The following PTPRT variants were observed in gnomAD, a reference collection of about 807,000 sequenced individuals.
The protein encoded by PTPRT is protein tyrosine phosphatase receptor type T.
Under a neutral mutation model 176.8 loss-of-function variants are expected in PTPRT, and 56 were observed. The observed-to-expected ratio is 0.32, with a 90% CI of 0.26 to 0.40. The LOEUF is 0.40. PTPRT is among the 10% of genes least tolerant of loss of function. The pLI is 1.00. For synonymous variants in PTPRT, 783 were observed against 739.0 expected (o/e 1.06, Z -0.96); for missense variants, 1,540 against 1,908.2 (o/e 0.81, Z 3.60).
intron 7 of PTPRT, among the ~76,000 whole-genome samples, chr20:42,590,080 A>G (rs1035307412): frequency 1.3e-5 from 2 of 152,150 alleles, no homozygotes; most frequent in Non-Finnish European, 2.9e-5. Context: ...GTCATGAAAG[A>G]GAAAAGCTTT....
chr20:42,416,091 ATTAAG>A lies in PTPRT; in HGVS notation c.1560+32124_1560+32128del, dbSNP rs542935082. ...TGGAAATAGGCTCTTTGCTGATGTA[ATTAAG>A]TTAAGGATTTCAAGATGAGATCATC... is the stretch of plus-strand genomic sequence containing the variant. On this transcript the variant is annotated intron_variant, in intron 9 of 30. Transcript: ENST00000373187. Among the ~76,000 whole-genome samples, 605 of 152,290 alleles carry A rather than the reference ATTAAG, an allele frequency of 4.0e-3. 1 individual carries two copies. Among genetic ancestry groups the A allele is most frequent in the Middle Eastern group, 6.8e-3 (2 of 294 alleles).
intron 11 of PTPRT, among the ~76,000 whole-genome samples, chr20:42,346,332 A>G (rs915990783): frequency 9.2e-5 from 14 of 152,284 alleles, no homozygotes; most frequent in East Asian, 1.9e-4. Flanking sequence ...TGGCTAAGTT[A>G]CTTTCTTATG....
At chr20:42,324,254 A>AAAT (rs1296498647) in intron 11 of PTPRT, among the ~76,000 whole-genome samples, 3 of 152,248 alleles carry the variant, frequency 2.0e-5, no homozygotes, top group Non-Finnish European at 4.4e-5. Flanking sequence ...TAAATGAGAG[A>AAAT]AATAAGACGT....
chr20:42,959,771 C>T (rs1304910430), intron 1 of PTPRT, among the ~76,000 whole-genome samples: 1 of 152,150 alleles, frequency 6.6e-6, no homozygotes, highest in Non-Finnish European at 1.5e-5. Context: ...CAAGCCATTC[C>T]TTGGTTCTGT....
At chr20:42,793,763 C>T (rs535037251) in intron 2 of PTPRT, among the ~76,000 whole-genome samples, 8 of 152,176 alleles carry the variant, frequency 5.3e-5, no homozygotes, top group Middle Eastern at 6.8e-3. Flanking sequence ...GCATCCATGC[C>T]CATATCTGTC....
chr20:42,196,334 T>C (rs1991217082), intron 16 of PTPRT, among the ~76,000 whole-genome samples: 1 of 152,136 alleles, frequency 6.6e-6, no homozygotes, highest in African/African-American at 2.4e-5. Flanking sequence ...AGCCTTTCTC[T>C]TTTTTTCTAT....
At chr20:42,843,535 A>T (rs1313495265) in intron 2 of PTPRT, among the ~76,000 whole-genome samples, 1 of 152,220 alleles carries the variant, frequency 6.6e-6, no homozygotes, top group African/African-American at 2.4e-5. Flanking sequence ...CATTTCTCCA[A>T]AGAAACCTGG....
intron 15 of PTPRT, among the ~76,000 whole-genome samples, chr20:42,226,216 G>T (rs2056006589): frequency 6.6e-6 from 1 of 152,098 alleles, no homozygotes; most frequent in African/African-American, 2.4e-5. Flanking sequence ...TTAGCACAAG[G>T]GAATTGCTCA....
intron 6 of PTPRT, among the ~76,000 whole-genome samples, chr20:42,732,134 A>G (rs1324692217): frequency 6.7e-6 from 1 of 149,836 alleles, no homozygotes; most frequent in African/African-American, 2.5e-5. Context: ...AGCTATGTCC[A>G]TGTGCGGCTA....
At chr20:42,848,195 G>T (rs2078409490) in intron 2 of PTPRT, among the ~76,000 whole-genome samples, 1 of 152,164 alleles carries the variant, frequency 6.6e-6, no homozygotes, top group Non-Finnish European at 1.5e-5. Context: ...ATATTCCATG[G>T]CATATACATG....
intron 11 of PTPRT, among the ~76,000 whole-genome samples, chr20:42,332,454 C>T (rs2145439662): frequency 6.6e-6 from 1 of 152,212 alleles, no homozygotes; most frequent in South Asian, 2.1e-4. Flanking sequence ...TGGTGATTCT[C>T]CCACCTGGGC....
intron 7 of PTPRT, among the ~76,000 whole-genome samples, chr20:42,485,907 T>G (rs2145351339): frequency 6.6e-6 from 1 of 152,370 alleles, no homozygotes; most frequent in South Asian, 2.1e-4. Flanking sequence ...GCTTATTTTC[T>G]GTCGAATCTC....
At chr20:42,053,678 A>G in the PTPRT span, among the ~76,000 whole-genome samples, 1 of 152,322 alleles carries the variant, frequency 6.6e-6, no homozygotes, top group African/African-American at 2.4e-5. Flanking sequence ...CCTGGGCCAC[A>G]TGTCTCTGAA....
At chr20:42,871,206 C>T (rs1285016606) in intron 2 of PTPRT, among the ~76,000 whole-genome samples, 2 of 151,930 alleles carry the variant, frequency 1.3e-5, no homozygotes, top group Non-Finnish European at 2.9e-5. Flanking sequence ...CCCACCTCGG[C>T]CTCCCAAAAT....
chr20:42,400,278 C>T (rs549817156), intron 9 of PTPRT, among the ~76,000 whole-genome samples: 2 of 151,858 alleles, frequency 1.3e-5, no homozygotes, highest in African/African-American at 4.8e-5. Flanking sequence ...ACTTTTTTTT[C>T]ATAGCAAGCA....
chr20:42,626,980 C>T lies in PTPRT; in HGVS notation c.1153+50886G>A, dbSNP rs559835482. Among the ~76,000 whole-genome samples, 3 of 148,090 alleles carry T rather than the reference C, an allele frequency of 2.0e-5. No homozygotes were observed. The East Asian group carries it at 5.8e-4, about 29-fold the overall frequency. On this transcript the variant is annotated intron_variant, in intron 7 of 30. Coordinates refer to ENST00000373187, the MANE Select transcript of PTPRT (RefSeq NM_007050.6). ...TCACAGCTACACATTACCGTGAAGC[C>T]TTATCACACTGGGCCTCTCTGATCT...
At chr20:42,149,544 C>G (rs1264532078) in intron 17 of PTPRT, among the ~76,000 whole-genome samples, 3 of 151,914 alleles carry the variant, frequency 2.0e-5, no homozygotes, top group Admixed American at 2.0e-4. Flanking sequence ...CCGCCTCAGC[C>G]TCCTGAGTAG....
At chr20:43,137,337 T>C (rs1413532954) in intron 1 of PTPRT, among the ~76,000 whole-genome samples, 1 of 152,234 alleles carries the variant, frequency 6.6e-6, no homozygotes, top group Non-Finnish European at 1.5e-5. Flanking sequence ...CTGCCTTTTT[T>C]TGTAAATAAA....
chr20:42,928,659 T>C (rs934119717), intron 1 of PTPRT, among the ~76,000 whole-genome samples: 2 of 152,166 alleles, frequency 1.3e-5, no homozygotes, highest in African/African-American at 4.8e-5. Context: ...GTCAGAGGGA[T>C]GGTCAACCAA....
Sources: allele counts gnomAD v4.1 joint callset (sites outside exome capture counted in the v4.1 genomes callset), GRCh38; gene constraint gnomAD v4.1.1; transcripts MANE v1.5; gene names NCBI Gene and HGNC (gene_info 2026-07-23, HGNC 2026-07-21).